ADAMTSL1: variants seen among roughly 807,000 people sequenced by gnomAD.
ADAMTSL1 encodes the protein ADAMTS-like protein 1.
A neutral mutation model predicts 201.8 loss-of-function variants in ADAMTSL1; 126 were observed. The observed-to-expected ratio is 0.62, with a 90% CI of 0.54 to 0.72. The LOEUF is 0.72. ADAMTSL1 is among the 30% of genes least tolerant of loss of function. ADAMTSL1 has a pLI of 0.00. For missense variants in ADAMTSL1, 2,679 were observed against 2,277.8 expected (o/e 1.18, Z -3.59); for synonymous variants, 1,121 against 903.4 (o/e 1.24, Z -4.32).
chr9:18,384,541 T>C (rs1239489288), intron 2 of ADAMTSL1, among the ~76,000 whole-genome samples: 1 of 152,174 alleles, frequency 6.6e-6, no homozygotes, highest in East Asian at 1.9e-4. Flanking sequence ...AGAAGTCTTA[T>C]TTGAAGAGTG....
intron 19 of ADAMTSL1, among the ~76,000 whole-genome samples, chr9:18,793,016 A>G (rs1822153010): frequency 6.6e-6 from 1 of 152,248 alleles, no homozygotes; most frequent in African/African-American, 2.4e-5. Flanking sequence ...CTATATCACA[A>G]GCTCTCAGAG....
chr9:18,346,781 G>A (rs1403266036), intron 2 of ADAMTSL1, among the ~76,000 whole-genome samples: 2 of 152,080 alleles, frequency 1.3e-5, no homozygotes, highest in East Asian at 3.9e-4. Context: ...GAAGAACTGA[G>A]GCCACCTGAT....
chr9:18,193,356 T>C lies in ADAMTSL1; in HGVS notation c.207+29375T>C, dbSNP rs143935582. On this transcript the variant is annotated intron_variant, in intron 2 of 29. Transcript: ENST00000680146. ...TTATGGCAGCCACAGTGGGAGGACA[T>C]GATAACATGGAATATGCAGGGGAAG... is the stretch of plus-strand genomic sequence containing the variant. Among the ~76,000 whole-genome samples the C allele has an allele frequency of 4.4e-3, 664 of 152,162 alleles. 4 individuals are homozygous for C. The highest frequency in any genetic ancestry group is 0.015 in the African/African-American group (618 of 41,544).
At chr9:18,713,048 C>T (rs1182109177) in intron 14 of ADAMTSL1, among the ~76,000 whole-genome samples, 1 of 151,442 alleles carries the variant, frequency 6.6e-6, no homozygotes, top group African/African-American at 2.4e-5. Context: ...CAAGCAAATG[C>T]TGAGAGATTT....
rs527706838 is a variant in ADAMTSL1, at chr9:18,838,483, A to G, written c.4249+8506A>G. On this transcript the variant is annotated intron_variant, in intron 23 of 28. Coordinates refer to ENST00000380548, the MANE Select transcript of ADAMTSL1 (RefSeq NM_001040272.6). ...GCTCTAAAGAGCCTGGAGTTTCCTCAGAATTAGATAGCCTCAGGTGGCTCC... is the reference window on the plus strand; with the variant it reads ...GCTCTAAAGAGCCTGGAGTTTCCTCGGAATTAGATAGCCTCAGGTGGCTCC... 6.6e-5 allele frequency among the ~76,000 whole-genome samples: 10 copies of G among 151,890 alleles called. 1 individual carries two copies. Among genetic ancestry groups the G allele is most frequent in the African/African-American group, 2.4e-4 (10 of 41,416 alleles).
At chr9:18,125,480 A>G (rs1482258582) in intron 1 of ADAMTSL1, among the ~76,000 whole-genome samples, 1 of 152,180 alleles carries the variant, frequency 6.6e-6, no homozygotes, top group Non-Finnish European at 1.5e-5. Context: ...TTTTGCTGTC[A>G]TATCTAACAA....
chr9:18,338,896 T>C (rs1438275074), intron 2 of ADAMTSL1, among the ~76,000 whole-genome samples: 1 of 152,162 alleles, frequency 6.6e-6, no homozygotes, highest in Non-Finnish European at 1.5e-5. Flanking sequence ...TGTTCCTGTG[T>C]TAGTTTGCTT....
At chr9:17,914,436 A>G (rs1318884730) in intron 1 of ADAMTSL1, among the ~76,000 whole-genome samples, 3 of 152,218 alleles carry the variant, frequency 2.0e-5, no homozygotes, top group Non-Finnish European at 4.4e-5. Context: ...GATTATCTCA[A>G]TAGATGCAGA....
At chr9:18,298,065 A>C (rs1001266393) in intron 2 of ADAMTSL1, among the ~76,000 whole-genome samples, 29 of 152,234 alleles carry the variant, frequency 1.9e-4, no homozygotes, top group African/African-American at 6.5e-4. Flanking sequence ...ATTGTTTGTC[A>C]ATTGGAATCT....
At chr9:18,444,680 A>C (rs1052323577) in intron 2 of ADAMTSL1, among the ~76,000 whole-genome samples, 5 of 152,136 alleles carry the variant, frequency 3.3e-5, no homozygotes, top group African/African-American at 1.2e-4. Context: ...ACAATTGGTA[A>C]AGGGAAAACA....
chr9:18,327,973 G>A (rs1834892185), intron 2 of ADAMTSL1, among the ~76,000 whole-genome samples: 1 of 152,078 alleles, frequency 6.6e-6, no homozygotes, highest in African/African-American at 2.4e-5. Flanking sequence ...CTGTTTTAAA[G>A]TAACATATAC....
At chr9:17,974,626 T>G (rs1197665920) in intron 1 of ADAMTSL1, among the ~76,000 whole-genome samples, 25 of 152,086 alleles carry the variant, frequency 1.6e-4, no homozygotes. Context: ...TTTATCTTTC[T>G]GTGCCTTGCT....
intron 1 of ADAMTSL1, among the ~76,000 whole-genome samples, chr9:18,127,060 T>G (rs1198036631): frequency 6.6e-6 from 1 of 152,148 alleles, no homozygotes; most frequent in South Asian, 2.1e-4. Context: ...CTAGGAGTTG[T>G]AAAGACAGCA....
At chr9:18,275,864 G>C (rs1268132432) in intron 2 of ADAMTSL1, among the ~76,000 whole-genome samples, 3 of 151,968 alleles carry the variant, frequency 2.0e-5, no homozygotes, top group Non-Finnish European at 2.9e-5. Flanking sequence ...TACTTCTCTT[G>C]GGTAAATCCT....
At chr9:17,983,821 T>A (rs1818817464) in intron 1 of ADAMTSL1, among the ~76,000 whole-genome samples, 1 of 152,016 alleles carries the variant, frequency 6.6e-6, no homozygotes. Flanking sequence ...AAAAAAAAAA[T>A]CCAGCACATA....
intron 1 of ADAMTSL1, among the ~76,000 whole-genome samples, chr9:18,104,875 C>T (rs1403777802): frequency 6.6e-6 from 1 of 152,068 alleles, no homozygotes; most frequent in Non-Finnish European, 1.5e-5. Flanking sequence ...GTCTACTGGC[C>T]ATTTCATCAC....
At position 18,069,397 on chromosome 9, in the gene ADAMTSL1, C is replaced by T. The variant is rs114447548; in HGVS notation, c.88-94465C>T. The stretch of plus-strand genomic sequence containing the variant: ...ATAAGAAGGACATATTACACTGCAA[C>T]GTATTATATACATACATACATACAT... On this transcript the variant is annotated intron_variant, in intron 1 of 29. Transcript: ENST00000680146. Among the ~76,000 whole-genome samples the T allele has an allele frequency of 1.8e-3, 279 of 152,126 alleles. 2 individuals carry two copies. Among genetic ancestry groups the T allele is most frequent in the African/African-American group, 5.8e-3 (241 of 41,512 alleles).
At chr9:18,244,408 G>A (rs1031775104) in intron 2 of ADAMTSL1, among the ~76,000 whole-genome samples, 1 of 151,998 alleles carries the variant, frequency 6.6e-6, no homozygotes, top group Non-Finnish European at 1.5e-5. Flanking sequence ...TCCAACCTCT[G>A]ATATGATACA....
intron 16 of ADAMTSL1, among the ~76,000 whole-genome samples, chr9:18,766,138 G>C (rs769972026): frequency 3.9e-5 from 6 of 152,186 alleles, no homozygotes; most frequent in Admixed American, 6.5e-5. Context: ...CGCTTCTCTT[G>C]CTCTGCTATA....
Sources: gnomAD v4.1 joint callset for allele counts (sites outside exome capture counted in the v4.1 genomes callset) on GRCh38, gnomAD v4.1.1 for gene constraint, MANE v1.5 for transcripts, NCBI Gene and HGNC (gene_info 2026-07-23, HGNC 2026-07-21) for gene names.